SMARCA5: variants seen among roughly 807,000 people sequenced by gnomAD.
The protein encoded by SMARCA5 is SNF2 related chromatin remodeling ATPase 5, also known as SWI/SNF-related matrix-associated actin-dependent regulator of chromatin subfamily A member 5.
SMARCA5 carries 18 observed loss-of-function variants against 140.4 expected under a neutral mutation model. The observed-to-expected ratio is 0.13, with a 90% CI of 0.09 to 0.19. The LOEUF is 0.19. Ranked by LOEUF, SMARCA5 falls within the 10% of genes least tolerant of loss-of-function variation. SMARCA5 has a pLI of 1.00. For synonymous variants in SMARCA5, 449 were observed against 419.6 expected, an observed-to-expected ratio of 1.07 and a Z score of -0.86; for missense variants, 606 against 1,276.8, an observed-to-expected ratio of 0.47 and a Z score of 8.01.
At position 143,555,367 on chromosome 4, in the gene SMARCA5, A is replaced by G. The variant is rs534056556; in HGVS notation, c.*2183A>G. The G allele has an allele frequency of 7.0e-4, 492 of 702,828 alleles. 4 individuals are homozygous for G. The highest frequency in any genetic ancestry group is 6.5e-3 in the Middle Eastern group (16 of 2,446). The allele number at this position is 702,828 out of a possible 1,614,324, so 43.5% of individuals were successfully genotyped here. A position where few individuals can be genotyped will look rare whatever the true frequency, so the allele number is the denominator to read the frequency against. ...AGCAATCCCCACTGCCACCATATCC[A>G]TCACCACCACCATGGCTGCCACCAA... On this transcript the variant is annotated 3_prime_UTR_variant, in exon 24 of 24. Transcript: ENST00000283131.
chr4:143,551,153 T>C (rs1737633167), intron 23 of SMARCA5, among the ~76,000 whole-genome samples: 1 of 152,112 alleles, frequency 6.6e-6, no homozygotes. Context: ...ATTTCTCTGA[T>C]GATCAGTGAT....
At chr4:143,540,573 T>A (rs1737407854) in intron 14 of SMARCA5, 78 bp downstream of exon 14, 1 of 1,344,014 alleles carries the variant, frequency 7.4e-7, no homozygotes. Flanking sequence ...CTTAGAAGAT[T>A]CTTGTTACTA....
chr4:143,514,596 G>A (rs1736784374), intron 1 of SMARCA5: 1 of 155,196 alleles, frequency 6.4e-6, no homozygotes, highest in Admixed American at 6.4e-5. Flanking sequence ...GGTCCTTGCA[G>A]GGGCGGTATC....
intron 11 of SMARCA5, 44 bp from the exon 12 acceptor site, chr4:143,538,546 T>C (rs1737361428): frequency 6.4e-7 from 1 of 1,569,472 alleles, no homozygotes; most frequent in South Asian, 1.1e-5. Flanking sequence ...TAAATTTTTC[T>C]ACTTTTGAAG....
chr4:143,541,935 G>T (rs545144802), intron 14 of SMARCA5, among the ~76,000 whole-genome samples: 15 of 151,428 alleles, frequency 9.9e-5, no homozygotes, highest in South Asian at 2.1e-4. Flanking sequence ...TCGGCTCACT[G>T]CAACCTCCGC....
Position 143,513,725 on chromosome 4 carries a change from G to A in SMARCA5, c.-200G>A. ...GCGCCGGTGGAACCTAGAGCCCCGC[G>A]GAAGAGCAGAACGTTTGGGAGTGTG... On this transcript the variant is annotated 5_prime_UTR_variant, in exon 1 of 24. Coordinates refer to ENST00000283131, the MANE Select transcript of SMARCA5 (RefSeq NM_003601.4). 1 of 598,424 alleles carries A rather than the reference G, an allele frequency of 1.7e-6. No individual in the cohort carries two copies. The highest frequency in any genetic ancestry group is 2.9e-6 in the Non-Finnish European group (1 of 350,418). The allele number at this position is 598,424 out of a possible 1,614,324, so 37.1% of individuals were successfully genotyped here.
Position 143,535,940 on chromosome 4 carries a change from C to T in SMARCA5, c.1269-512C>T, listed in dbSNP as rs531452914. On this transcript the variant is annotated intron_variant, in intron 10 of 23. Transcript: ENST00000283131. ...TACCTCCCTCCCCCATGTATTTATACGTATGTTTAAGTCACGTTGTATTCA... is the reference window on the plus strand; with the variant it reads ...TACCTCCCTCCCCCATGTATTTATATGTATGTTTAAGTCACGTTGTATTCA... 5.3e-5 allele frequency among the ~76,000 whole-genome samples: 8 copies of T among 152,066 alleles called. No individual in the cohort carries two copies. The East Asian group carries it at 1.2e-3, about 22-fold the overall frequency.
intron 6 of SMARCA5, among the ~76,000 whole-genome samples, chr4:143,527,253 C>G (rs1018909792): frequency 6.6e-6 from 1 of 152,206 alleles, no homozygotes; most frequent in South Asian, 2.1e-4. Context: ...TTTATTCAGA[C>G]TCTACTGAAT....
chr4:143,517,311 C>A, intron 1 of SMARCA5, 44 bp from the exon 2 acceptor site: 1 of 1,424,216 alleles, frequency 7.0e-7, no homozygotes, highest in Admixed American at 1.9e-5. Context: ...GGTATGTTTA[C>A]TATTTTCGAA....
At chr4:143,545,143 A>C (rs1473607579) in intron 17 of SMARCA5, among the ~76,000 whole-genome samples, 1 of 151,912 alleles carries the variant, frequency 6.6e-6, no homozygotes, top group Non-Finnish European at 1.5e-5. Context: ...GGGTTTCACC[A>C]TGTTGGCCAG....
intron 1 of SMARCA5, among the ~76,000 whole-genome samples, chr4:143,515,811 G>GT (rs1421969236): frequency 1.3e-5 from 2 of 151,978 alleles, no homozygotes; most frequent in Admixed American, 6.6e-5. Flanking sequence ...AAAGTGAGCC[G>GT]TTTCCCACCC....
At chr4:143,542,624 C>G (rs925754972) in intron 14 of SMARCA5, among the ~76,000 whole-genome samples, 3 of 152,090 alleles carry the variant, frequency 2.0e-5, no homozygotes, top group African/African-American at 7.2e-5. Flanking sequence ...CACTTACTTA[C>G]AAGTTGGTTG....
intron 9 of SMARCA5, among the ~76,000 whole-genome samples, chr4:143,531,236 G>A (rs1214540469): frequency 2.0e-5 from 3 of 152,182 alleles, no homozygotes; most frequent in African/African-American, 4.8e-5. Context: ...GCTACATTGT[G>A]TATAAACAAC....
chr4:143,516,077 G>T (rs976894598), intron 1 of SMARCA5, among the ~76,000 whole-genome samples: 44 of 151,458 alleles, frequency 2.9e-4, no homozygotes, highest in African/African-American at 9.9e-4. Flanking sequence ...GAGCACACAT[G>T]CTTAATATAT....
intron 1 of SMARCA5, among the ~76,000 whole-genome samples, chr4:143,515,770 G>C (rs1039878220): frequency 6.6e-6 from 1 of 152,114 alleles, no homozygotes; most frequent in Non-Finnish European, 1.5e-5. Flanking sequence ...CTACTAGGTA[G>C]AACCTGTAAT....
rs77371291 is a variant in SMARCA5 at position 143,540,542 on chromosome 4, C to T, written c.1903+47C>T. ...CTTTACCAAGTTGGATTGACACAAC[C>T]TGTTTTTGTTTGAAAATCGTCTTAG... On this transcript the variant is annotated intron_variant, in intron 14 of 23. Coordinates refer to ENST00000283131, the MANE Select transcript of SMARCA5 (RefSeq NM_003601.4). 5.1e-3 allele frequency: 7,989 copies of T among 1,557,358 alleles called. 20 individuals are homozygous for T. The highest frequency in any genetic ancestry group is 6.3e-3 in the Non-Finnish European group (7,199 of 1,150,048).
At chr4:143,537,588 G>T (rs972903715) in intron 11 of SMARCA5, among the ~76,000 whole-genome samples, 1 of 151,996 alleles carries the variant, frequency 6.6e-6, no homozygotes, top group Admixed American at 6.6e-5. Context: ...AACGTGGTGG[G>T]AATACTCAGA....
intron 14 of SMARCA5, among the ~76,000 whole-genome samples, chr4:143,542,046 G>A (rs1737438754): frequency 6.6e-6 from 1 of 151,990 alleles, no homozygotes; most frequent in Non-Finnish European, 1.5e-5. Context: ...TTTTAGTAGA[G>A]ACAGGGTTTC....
intron 10 of SMARCA5, among the ~76,000 whole-genome samples, chr4:143,536,096 A>G (rs1222861364): frequency 6.6e-6 from 1 of 152,176 alleles, no homozygotes; most frequent in Non-Finnish European, 1.5e-5. Context: ...CTGTTGCAAA[A>G]AAACTGCAAA....
Sources: gnomAD v4.1 joint callset for allele counts (sites outside exome capture counted in the v4.1 genomes callset) on GRCh38, gnomAD v4.1.1 for gene constraint, MANE v1.5 for transcripts, NCBI Gene and HGNC (gene_info 2026-07-23, HGNC 2026-07-21) for gene names.